Variants in FGF13 observed in about 807,000 individuals in gnomAD.
FGF13 encodes the protein fibroblast growth factor homologous factor 2.
Under a neutral mutation model 19.5 loss-of-function variants are expected in FGF13, and 2 were observed. The ratio of observed to expected loss-of-function variants is 0.10; its 90% CI spans 0.04 to 0.32. The LOEUF (loss-of-function observed/expected upper bound fraction) is 0.32, where lower values mean the gene tolerates loss of function less well. FGF13 is among the 10% of genes least tolerant of loss of function. The probability of loss-of-function intolerance (pLI) is 1.00; values close to 1 mark genes in which losing one functional copy is unlikely to be tolerated. For missense variants in FGF13, 113 were observed against 192.7 expected (o/e 0.59, Z 2.45); for synonymous variants, 72 against 76.9 (o/e 0.94, Z 0.33).
rs1285694289 is a variant in FGF13 at position 138,628,512 on chromosome X, T to C, written c.*4338A>G. On this transcript the variant is annotated 3_prime_UTR_variant, in exon 5 of 5. Transcript: ENST00000315930. ...TTGTCTTGCAGAGATTGTTAAAGAC[T>C]CTGCCAGTGAAGGCACATTTCAATT... is the stretch of plus-strand genomic sequence containing the variant. The C allele has an allele frequency of 8.9e-6, 1 of 112,236 alleles. No homozygotes were observed. The highest frequency in any genetic ancestry group is 9.4e-5 in the Admixed American group (1 of 10,609). The allele number at this position is 112,236 out of a possible 1,213,427, so 9.2% of individuals were successfully genotyped here.
chrX:138,633,818 G>A (rs933402191), intron 4 of FGF13, among the ~76,000 whole-genome samples: 1 of 111,700 alleles, frequency 9.0e-6, no homozygotes, highest in East Asian at 2.8e-4. Context: ...AGACCATCCA[G>A]TTAGCAAAAA....
chrX:138,757,075 G>T (rs2090436010), intron 3 of FGF13, among the ~76,000 whole-genome samples: 1 of 110,984 alleles, frequency 9.0e-6, no homozygotes, highest in South Asian at 3.9e-4. Flanking sequence ...ACAGAGGCAG[G>T]GGATGGGTGC....
intron 1 of FGF13, among the ~76,000 whole-genome samples, chrX:138,886,877 AG>A (rs1245820774): frequency 1.8e-5 from 2 of 112,076 alleles, no homozygotes; most frequent in Non-Finnish European, 3.8e-5. Context: ...TGGATTCAAT[AG>A]TCACTTTTAA....
At chrX:139,133,958 A>C (rs1384386103) in intron 1 of FGF13, among the ~76,000 whole-genome samples, 1 of 111,765 alleles carries the variant, frequency 8.9e-6, no homozygotes, top group Non-Finnish European at 1.9e-5. Flanking sequence ...TGAAGTCTCC[A>C]TTAAGTCTAT....
chrX:138,950,334 T>G (rs2091804404), intron 1 of FGF13, among the ~76,000 whole-genome samples: 1 of 112,395 alleles, frequency 8.9e-6, no homozygotes, highest in Admixed American at 9.5e-5. Flanking sequence ...CACTTTAGTT[T>G]ACTATTACAT....
At chrX:138,935,396 T>C (rs1026431027) in intron 1 of FGF13, among the ~76,000 whole-genome samples, 4 of 112,069 alleles carry the variant, frequency 3.6e-5, no homozygotes, top group African/African-American at 1.3e-4. Flanking sequence ...CCACAGGGCA[T>C]TTCTCAAATA....
At chrX:138,805,631 T>C (rs1290094134) in intron 3 of FGF13, among the ~76,000 whole-genome samples, 1 of 111,953 alleles carries the variant, frequency 8.9e-6, no homozygotes, top group Non-Finnish European at 1.9e-5. Flanking sequence ...GCCAGTTAAA[T>C]TCTGTAAATT....
intron 3 of FGF13, among the ~76,000 whole-genome samples, chrX:138,778,021 A>G (rs2090602324): frequency 8.9e-6 from 1 of 112,032 alleles, no homozygotes; most frequent in Non-Finnish European, 1.9e-5. Flanking sequence ...TTAAACAGCA[A>G]TAACTTATTG....
chrX:139,156,586 C>T (rs889629425), intron 1 of FGF13, among the ~76,000 whole-genome samples: 1 of 112,379 alleles, frequency 8.9e-6, no homozygotes, highest in Non-Finnish European at 1.9e-5. Flanking sequence ...GAAACCGAGG[C>T]GCTCAACCTT....
intron 1 of FGF13, among the ~76,000 whole-genome samples, chrX:139,156,431 T>C (rs1290042235): frequency 8.9e-6 from 1 of 112,187 alleles, no homozygotes; most frequent in Non-Finnish European, 1.9e-5. Flanking sequence ...ACGAATTTGA[T>C]TATGTGTACA....
chrX:138,893,904 A>G (rs144093648), intron 1 of FGF13, among the ~76,000 whole-genome samples: 24 of 111,800 alleles, frequency 2.1e-4, no homozygotes, highest in African/African-American at 7.5e-4. Flanking sequence ...GAATGAGCCA[A>G]GCAGAGAGCT....
intron 1 of FGF13, among the ~76,000 whole-genome samples, chrX:138,724,238 A>G (rs976715396): frequency 2.7e-5 from 3 of 112,295 alleles, no homozygotes; most frequent in African/African-American, 9.7e-5. Flanking sequence ...AGCATGGACT[A>G]TCTTGAAAGG....
chrX:138,917,045 G>A (rs1038047639), intron 1 of FGF13, among the ~76,000 whole-genome samples: 2 of 111,742 alleles, frequency 1.8e-5, no homozygotes, highest in African/African-American at 6.5e-5. Context: ...CTATAACTAT[G>A]TAAGTGGGTT....
intron 1 of FGF13, among the ~76,000 whole-genome samples, chrX:139,093,092 G>A (rs888232464): frequency 3.3e-4 from 37 of 112,235 alleles, no homozygotes; most frequent in Non-Finnish European, 1.7e-4. Flanking sequence ...AGCCTTACAG[G>A]GATGAGCACT....
intron 3 of FGF13, among the ~76,000 whole-genome samples, chrX:138,801,111 T>A (rs1419689047): frequency 1.8e-5 from 2 of 112,090 alleles, no homozygotes; most frequent in Admixed American, 1.9e-4. Flanking sequence ...TCTGTCCAAT[T>A]TTGTGCCCTT....
At chrX:139,079,438 A>G (rs1728743886) in intron 1 of FGF13, among the ~76,000 whole-genome samples, 1 of 111,165 alleles carries the variant, frequency 9.0e-6, no homozygotes, top group Admixed American at 9.6e-5. Flanking sequence ...AAGAAGAGGA[A>G]TGGCCCCAAA....
At position 138,711,197 on chromosome X, in the gene FGF13, G is replaced by A; in HGVS notation, c.-194C>T. 3 of 1,059,911 alleles carry A rather than the reference G, an allele frequency of 2.8e-6. No individual in the cohort carries two copies. The highest frequency in any genetic ancestry group is 3.6e-6 in the Non-Finnish European group (3 of 826,703). The allele number at this position is 1,059,911 out of a possible 1,213,427, so 87.3% of individuals were successfully genotyped here. ...TCAGCATGCCGTCCGAGCTCCTCCG[G>A]CGGCGGTCCGGCTCCCGCGCGGGCT... On this transcript the variant is annotated 5_prime_UTR_variant, in exon 1 of 5. Coordinates refer to ENST00000315930, the MANE Select transcript of FGF13 (RefSeq NM_004114.5).
chrX:138,934,452 C>T (rs1569426012), intron 1 of FGF13, among the ~76,000 whole-genome samples: 1 of 112,420 alleles, frequency 8.9e-6, no homozygotes, highest in East Asian at 2.8e-4. Context: ...TGCCATCATG[C>T]TAAAAACTGC....
intron 3 of FGF13, among the ~76,000 whole-genome samples, chrX:138,842,216 T>TCCTTTTCATTCC (rs2091154050): frequency 9.1e-6 from 1 of 110,230 alleles, no homozygotes; most frequent in Non-Finnish European, 1.9e-5. Flanking sequence ...ATATACAGAG[T>TCCTTTTCATTCC]TTTCATGTCA....
Sources: gnomAD v4.1 joint callset for allele counts (sites outside exome capture counted in the v4.1 genomes callset) on GRCh38, gnomAD v4.1.1 for gene constraint, MANE v1.5 for transcripts, NCBI Gene and HGNC (gene_info 2026-07-23, HGNC 2026-07-21) for gene names.